Variants in PIK3C2A observed in about 807,000 individuals in gnomAD.
PIK3C2A encodes phosphatidylinositol-4-phosphate 3-kinase catalytic subunit type 2 alpha.
A neutral mutation model predicts 204.5 loss-of-function variants in PIK3C2A; 97 were observed. The observed-to-expected ratio is 0.47, with a 90% CI of 0.40 to 0.56. The LOEUF is 0.56. Among genes scored for constraint, PIK3C2A ranks in the 20% least tolerant of loss-of-function variants. The probability of loss-of-function intolerance (pLI) is 0.00; values close to 1 mark genes in which losing one functional copy is unlikely to be tolerated. For synonymous variants in PIK3C2A, 653 were observed against 664.4 expected (o/e 0.98, Z 0.26); for missense variants, 1,735 against 1,969.2 (o/e 0.88, Z 2.25).
chr11:17,106,684 C>T (rs573963280), intron 22 of PIK3C2A, among the ~76,000 whole-genome samples: 8 of 152,226 alleles, frequency 5.3e-5, no homozygotes, highest in African/African-American at 1.2e-4. Context: ...TTCAGTGATC[C>T]GCCTGTCTCA....
chr11:17,188,847 G>A (rs1851844574), intron 1 of PIK3C2A, among the ~76,000 whole-genome samples: 2 of 146,980 alleles, frequency 1.4e-5, no homozygotes, highest in South Asian at 4.1e-4. Flanking sequence ...CAAGCTTTTG[G>A]CTACCAAAGG....
chr11:17,183,938 TAA>T (rs773179143), intron 1 of PIK3C2A, among the ~76,000 whole-genome samples: 35 of 131,402 alleles, frequency 2.7e-4, no homozygotes, highest in Non-Finnish European at 1.3e-4. Context: ...GAACCCTCTT[TAA>T]AAAAAAAAAA....
At chr11:17,133,494 AT>A (rs982160414) in intron 11 of PIK3C2A, among the ~76,000 whole-genome samples, 7 of 152,186 alleles carry the variant, frequency 4.6e-5, no homozygotes, top group African/African-American at 1.7e-4. Context: ...AAATTATTAT[AT>A]TTTAATCTAA....
At chr11:17,173,964 G>T (rs214932) in intron 1 of PIK3C2A, among the ~76,000 whole-genome samples, 1 of 151,772 alleles carries the variant, frequency 6.6e-6, no homozygotes, top group Non-Finnish European at 1.5e-5. Context: ...CACCACACCC[G>T]GCTAATTTTT....
intron 8 of PIK3C2A, chr11:17,138,376 T>C (rs891320906): frequency 2.5e-6 from 1 of 392,528 alleles, no homozygotes; most frequent in East Asian, 4.6e-5. Flanking sequence ...CCTCAAAGAC[T>C]ACCTCTAGCT....
At position 17,132,017 on chromosome 11, in the gene PIK3C2A, T is replaced by C. The variant is rs376765337; in HGVS notation, c.2130A>G (p.Ile710Met). 11 of 1,531,408 alleles carry C rather than the reference T, an allele frequency of 7.2e-6. No homozygotes were observed. The highest frequency in any genetic ancestry group is 5.5e-5 in the African/African-American group (4 of 72,198). 94.9% of individuals were successfully genotyped at this position (1,531,408 alleles called of 1,614,324 possible). The part of the protein sequence containing the change: ...WVSNYEKYYL[I>M]CSLSHNGKDL... ...CCTTTCCATTGTGAGACAGTGAACATATCAAGTAGTATTTTTCATAACTGA... is the reference window on the plus strand; with the variant it reads ...CCTTTCCATTGTGAGACAGTGAACACATCAAGTAGTATTTTTCATAACTGA... The change falls in exon 12 of 33, where the codon ATA becomes ATG. Residue 710 changes from isoleucine to methionine, a missense_variant. By Grantham distance (10) the Ile-to-Met change is conservative. Coordinates refer to ENST00000691414, the MANE Select transcript of PIK3C2A (RefSeq NM_002645.4).
At chr11:17,111,964 A>C (rs2137315766) in intron 21 of PIK3C2A, among the ~76,000 whole-genome samples, 1 of 151,754 alleles carries the variant, frequency 6.6e-6, no homozygotes, top group South Asian at 2.1e-4. Flanking sequence ...TTACTGGTTT[A>C]GAAAAAGGCA....
At chr11:17,104,488 G>C (rs1276692652) in intron 23 of PIK3C2A, among the ~76,000 whole-genome samples, 2 of 152,140 alleles carry the variant, frequency 1.3e-5, no homozygotes, top group African/African-American at 4.8e-5. Context: ...CACTTTGGGA[G>C]ACTGAAGCGG....
intron 2 of PIK3C2A, among the ~76,000 whole-genome samples, chr11:17,159,513 A>G (rs12576590): frequency 0.94 from 143,544 of 152,284 alleles, 68,243 homozygotes; most frequent in Non-Finnish European, 1. Context: ...CAGAGCTAGA[A>G]ACAAAGATTT....
At chr11:17,168,570 G>A (rs1299654697) in intron 2 of PIK3C2A, 107 bp downstream of exon 2, 1 of 801,934 alleles carries the variant, frequency 1.2e-6, no homozygotes, top group Non-Finnish European at 2.0e-6. Flanking sequence ...GACAGAGCGA[G>A]ACTCCTTCTT....
At chr11:17,150,690 T>TA (rs934747600) in intron 3 of PIK3C2A, 35 bp from the exon 4 acceptor site, 7 of 1,504,548 alleles carry the variant, frequency 4.7e-6, no homozygotes, top group South Asian at 1.3e-5. Context: ...AATTCTTTTT[T>TA]AAAAAAACTT....
intron 25 of PIK3C2A, 115 bp downstream of exon 25, chr11:17,101,163 T>C: frequency 3.4e-6 from 2 of 593,000 alleles, no homozygotes; most frequent in East Asian, 2.7e-5. Context: ...ATAATGTATC[T>C]GACATTTGTG....
chr11:17,101,164 G>C (rs1848612164), intron 25 of PIK3C2A, 114 bp downstream of exon 25: 1 of 599,372 alleles, frequency 1.7e-6, no homozygotes, highest in Non-Finnish European at 2.8e-6. Context: ...TAATGTATCT[G>C]ACATTTGTGA....
intron 1 of PIK3C2A, among the ~76,000 whole-genome samples, chr11:17,197,183 G>T (rs138853920): frequency 2.8e-4 from 43 of 152,060 alleles, no homozygotes; most frequent in Non-Finnish European, 5.7e-4. Context: ...ACCATGCCTG[G>T]CTAATTTTTT....
chr11:17,185,224 T>C (rs1020992625), intron 1 of PIK3C2A, among the ~76,000 whole-genome samples: 7 of 152,212 alleles, frequency 4.6e-5, no homozygotes, highest in African/African-American at 1.7e-4. Context: ...TTGTTGCAAT[T>C]GCCTACAGTA....
At chr11:17,144,015 AGTAGACTGGAT>A (rs1057337556) in intron 8 of PIK3C2A, among the ~76,000 whole-genome samples, 5 of 152,194 alleles carry the variant, frequency 3.3e-5, no homozygotes, top group Non-Finnish European at 7.3e-5. Context: ...CAAATTAGAA[AGTAGACTGGAT>A]ATGGTCTCCT....
At chr11:17,176,154 C>A (rs992363817) in intron 1 of PIK3C2A, among the ~76,000 whole-genome samples, 1 of 151,386 alleles carries the variant, frequency 6.6e-6, no homozygotes, top group Non-Finnish European at 1.5e-5. Context: ...CAGGTGCCCA[C>A]CACCATGCCC....
At chr11:17,142,821 G>C (rs546175480) in intron 8 of PIK3C2A, among the ~76,000 whole-genome samples, 1 of 152,274 alleles carries the variant, frequency 6.6e-6, no homozygotes, top group East Asian at 1.9e-4. Flanking sequence ...TTTCAGGGAA[G>C]TACTAAACTG....
At chr11:17,178,708 T>TGG (rs1385596858) in intron 1 of PIK3C2A, among the ~76,000 whole-genome samples, 1 of 133,554 alleles carries the variant, frequency 7.5e-6, no homozygotes, top group East Asian at 2.4e-4. Context: ...CTGGTTGATT[T>TGG]TTGAATTTTT....
Sources: allele counts gnomAD v4.1 joint callset (sites outside exome capture counted in the v4.1 genomes callset), GRCh38; gene constraint gnomAD v4.1.1; transcripts MANE v1.5; gene names NCBI Gene and HGNC (gene_info 2026-07-23, HGNC 2026-07-21).